Variants in CCDC148 observed in about 807,000 individuals in gnomAD.
CCDC148 encodes coiled-coil domain-containing protein 148.
In CCDC148, 89 loss-of-function variants were observed where a neutral mutation model predicts 85.7. The observed-to-expected ratio is 1.04, with a 90% confidence interval of 0.87 to 1.24. The LOEUF is 1.24. Among genes scored for constraint, CCDC148 ranks in the 50% most tolerant of loss-of-function variants. The pLI is 0.00. For missense variants in CCDC148, 692 were observed against 671.7 expected (o/e 1.03, Z -0.33); for synonymous variants, 230 against 213.9 (o/e 1.08, Z -0.66).
At chr2:158,262,014 G>A (rs1689246489) in intron 9 of CCDC148, among the ~76,000 whole-genome samples, 1 of 151,966 alleles carries the variant, frequency 6.6e-6, no homozygotes, top group African/African-American at 2.4e-5. Context: ...CCATTACTGG[G>A]TATATAGAGG....
At chr2:158,188,295 T>C (rs16842724) in intron 11 of CCDC148, among the ~76,000 whole-genome samples, 8,419 of 152,006 alleles carry the variant, frequency 0.055, 782 homozygotes, top group African/African-American at 0.19. Context: ...CTTTGAGCAA[T>C]AGAACTTCCT....
intron 2 of CCDC148, among the ~76,000 whole-genome samples, chr2:158,349,190 T>C (rs1395386034): frequency 6.6e-6 from 1 of 152,068 alleles, no homozygotes. Flanking sequence ...CTTGAAGCAA[T>C]AATCTCTTTA....
chr2:158,440,646 T>G (rs1036640737), intron 1 of CCDC148, among the ~76,000 whole-genome samples: 2 of 152,218 alleles, frequency 1.3e-5, no homozygotes, highest in Non-Finnish European at 2.9e-5. Flanking sequence ...TAAAATAGAA[T>G]GTTTATAGCA....
chr2:158,387,470 A>C lies in CCDC148; in HGVS notation c.26-28900T>G, dbSNP rs536989374. ...TTTATTTGATCAACTCCCTATATAA[A>C]ATCTCATCCCTCATCTATAATACCA... On this transcript the variant is annotated intron_variant, in intron 1 of 13. Transcript: ENST00000283233. Among the ~76,000 whole-genome samples, 10 of 151,586 alleles carry C rather than the reference A, an allele frequency of 6.6e-5. No homozygotes were observed. The South Asian group carries it at 2.1e-3, about 32-fold the overall frequency.
At chr2:158,331,733 T>A (rs998812149) in intron 7 of CCDC148, among the ~76,000 whole-genome samples, 1 of 152,246 alleles carries the variant, frequency 6.6e-6, no homozygotes, top group Non-Finnish European at 1.5e-5. Context: ...GCTCTTCTTG[T>A]TGAATTGATC....
chr2:158,427,850 G>A (rs1687147173), intron 1 of CCDC148, among the ~76,000 whole-genome samples: 1 of 152,076 alleles, frequency 6.6e-6, no homozygotes, highest in Admixed American at 6.6e-5. Context: ...TAGCCTGGGT[G>A]GCAGGGTAAG....
chr2:158,401,253 T>A (rs1048631131), intron 1 of CCDC148, among the ~76,000 whole-genome samples: 1 of 152,154 alleles, frequency 6.6e-6, no homozygotes, highest in African/African-American at 2.4e-5. Flanking sequence ...CGTGCACACG[T>A]ATGTTATTGC....
At chr2:158,399,242 G>A (rs928579676) in intron 1 of CCDC148, among the ~76,000 whole-genome samples, 27 of 152,204 alleles carry the variant, frequency 1.8e-4, no homozygotes, top group African/African-American at 6.3e-4. Flanking sequence ...CCAATCGATA[G>A]AAAAAGAGGG....
At chr2:158,217,374 G>GTA (rs762560897) in intron 11 of CCDC148, among the ~76,000 whole-genome samples, 24,956 of 98,226 alleles carry the variant, frequency 0.25, 2,897 homozygotes, top group South Asian at 0.36. Flanking sequence ...GTGTGTGTGT[G>GTA]TATATATATA....
chr2:158,255,165 A>G (rs183660119), intron 9 of CCDC148, among the ~76,000 whole-genome samples: 2 of 151,766 alleles, frequency 1.3e-5, no homozygotes, highest in African/African-American at 2.4e-5. Context: ...AAAACCCTAG[A>G]GCAAAGCTTC....
chr2:158,200,221 AT>A (rs562174187), intron 11 of CCDC148, among the ~76,000 whole-genome samples: 6 of 152,114 alleles, frequency 3.9e-5, no homozygotes, highest in Admixed American at 1.3e-4. Flanking sequence ...GAACAGACCC[AT>A]TTTTTCCCAT....
chr2:158,421,680 TCA>T (rs1373151868), intron 1 of CCDC148, among the ~76,000 whole-genome samples: 6 of 152,050 alleles, frequency 3.9e-5, no homozygotes, highest in South Asian at 2.1e-4. Context: ...TTAAAAGAAC[TCA>T]AGAAGCAAGA....
intron 8 of CCDC148, among the ~76,000 whole-genome samples, chr2:158,311,129 G>A (rs1225865077): frequency 1.3e-5 from 2 of 152,196 alleles, no homozygotes; most frequent in Non-Finnish European, 2.9e-5. Context: ...GCGGCTGGGA[G>A]GTGGAGGTTG....
intron 9 of CCDC148, among the ~76,000 whole-genome samples, chr2:158,269,301 C>T (rs1349441768): frequency 1.3e-5 from 2 of 152,012 alleles, no homozygotes; most frequent in African/African-American, 2.4e-5. Flanking sequence ...ACCTGCATTT[C>T]CCTCATGTTT....
intron 1 of CCDC148, among the ~76,000 whole-genome samples, chr2:158,434,026 A>C (rs181652956): frequency 6.6e-6 from 1 of 152,212 alleles, no homozygotes; most frequent in African/African-American, 2.4e-5. Context: ...CTGCCTCTGT[A>C]GACTCCACCT....
chr2:158,436,060 C>T (rs181550500), intron 1 of CCDC148, among the ~76,000 whole-genome samples: 1 of 152,290 alleles, frequency 6.6e-6, no homozygotes, highest in Admixed American at 6.5e-5. Flanking sequence ...CAACATCAGA[C>T]AGATCAATGA....
intron 5 of CCDC148, among the ~76,000 whole-genome samples, chr2:158,339,965 C>T (rs1010779946): frequency 1.3e-5 from 2 of 152,002 alleles, no homozygotes; most frequent in African/African-American, 4.8e-5. Flanking sequence ...GGGTAAGATC[C>T]CAGGATGCAT....
chr2:158,276,611 C>T (rs561511317), intron 9 of CCDC148, among the ~76,000 whole-genome samples: 69 of 150,210 alleles, frequency 4.6e-4, no homozygotes, highest in African/African-American at 1.6e-3. Context: ...CCTCATTATA[C>T]TCGTGAGCTG....
intron 7 of CCDC148, among the ~76,000 whole-genome samples, chr2:158,326,524 A>G (rs1011887826): frequency 2.6e-5 from 4 of 152,176 alleles, no homozygotes; most frequent in African/African-American, 7.2e-5. Flanking sequence ...GAAAATACGA[A>G]GGATAAGTCA....
Sources: allele counts gnomAD v4.1 joint callset (sites outside exome capture counted in the v4.1 genomes callset), GRCh38; gene constraint gnomAD v4.1.1; transcripts MANE v1.5; gene names NCBI Gene and HGNC (gene_info 2026-07-23, HGNC 2026-07-21).